Variants in AFG2A observed in about 807,000 individuals in gnomAD.
AFG2A encodes AAA ATPase AFG2A, also known as ATPase family gene 2 protein homolog A.
At chr4:123,031,012 A>C in the AFG2A span, among the ~76,000 whole-genome samples, 3 of 152,196 alleles carry the variant, frequency 2.0e-5, no homozygotes, top group Non-Finnish European at 4.4e-5. Flanking sequence ...TGGGAATATG[A>C]AAATAATTTG....
the AFG2A span, among the ~76,000 whole-genome samples, chr4:122,997,552 A>G: frequency 3.3e-5 from 5 of 152,104 alleles, no homozygotes; most frequent in Non-Finnish European, 7.4e-5. Context: ...TTGATGGACA[A>G]TTGGGTTGTT....
At chr4:122,986,277 A>G in the AFG2A span, among the ~76,000 whole-genome samples, 2 of 152,138 alleles carry the variant, frequency 1.3e-5, no homozygotes, top group Non-Finnish European at 2.9e-5. Flanking sequence ...TTCTGTGTAT[A>G]TCAGTTAAGT....
chr4:123,310,584 G>A, the AFG2A span, among the ~76,000 whole-genome samples: 4 of 152,192 alleles, frequency 2.6e-5, no homozygotes, highest in East Asian at 3.9e-4. Flanking sequence ...TGGTACACAC[G>A]GCATTTACCT....
chr4:123,158,766 G>A, the AFG2A span, among the ~76,000 whole-genome samples: 7 of 152,324 alleles, frequency 4.6e-5, no homozygotes, highest in South Asian at 1.5e-3. Flanking sequence ...AAGGAAGTCA[G>A]CAAGAAAGGG....
the AFG2A span, among the ~76,000 whole-genome samples, chr4:123,085,903 G>A: frequency 2.0e-5 from 3 of 151,248 alleles, no homozygotes; most frequent in Admixed American, 2.0e-4. Flanking sequence ...CCTAAGTTTT[G>A]CAATATATTT....
chr4:122,959,416 CAGTT>C, the AFG2A span, among the ~76,000 whole-genome samples: 1 of 152,170 alleles, frequency 6.6e-6, no homozygotes, highest in Non-Finnish European at 1.5e-5. Flanking sequence ...ACAAGTAAAA[CAGTT>C]AATTAACAAT....
At chr4:122,930,797 A>G in the AFG2A span, among the ~76,000 whole-genome samples, 4 of 152,188 alleles carry the variant, frequency 2.6e-5, no homozygotes, top group Non-Finnish European at 5.9e-5. Flanking sequence ...AGCATTTATG[A>G]TGACCTACAA....
chr4:122,982,989 T>G, the AFG2A span, among the ~76,000 whole-genome samples: 1 of 144,016 alleles, frequency 6.9e-6, no homozygotes, highest in East Asian at 2.2e-4. Context: ...TGCCTCAACC[T>G]CCTGAGTAGC....
the AFG2A span, among the ~76,000 whole-genome samples, chr4:122,963,377 T>C: frequency 1.3e-5 from 2 of 152,158 alleles, no homozygotes; most frequent in Non-Finnish European, 2.9e-5. Flanking sequence ...CCCAAAGAAG[T>C]GGTGACTCAG....
At chr4:123,196,144 G>GCGCCCACCAC in the AFG2A span, among the ~76,000 whole-genome samples, 1 of 142,298 alleles carries the variant, frequency 7.0e-6, no homozygotes. Flanking sequence ...GGGACTACAG[G>GCGCCCACCAC]CGCCCACCAC....
chr4:123,129,494 A>C, the AFG2A span, among the ~76,000 whole-genome samples: 3 of 152,174 alleles, frequency 2.0e-5, no homozygotes, highest in Non-Finnish European at 4.4e-5. Flanking sequence ...GCTTTAACTC[A>C]GGGGTTTCAT....
chr4:123,054,532 C>T, the AFG2A span, among the ~76,000 whole-genome samples: 1 of 151,860 alleles, frequency 6.6e-6, no homozygotes, highest in African/African-American at 2.4e-5. Flanking sequence ...TCCTGGCTAA[C>T]ACAGTGAAAC....
the AFG2A span, among the ~76,000 whole-genome samples, chr4:122,958,948 C>T: frequency 2.6e-5 from 4 of 152,228 alleles, no homozygotes; most frequent in East Asian, 3.9e-4. Context: ...ACATTTGATT[C>T]GCTGATTTAG....
chr4:123,306,746 G>A, the AFG2A span, among the ~76,000 whole-genome samples: 1 of 152,082 alleles, frequency 6.6e-6, no homozygotes, highest in African/African-American at 2.4e-5. Context: ...TAGTAGAAAC[G>A]GGGTTTCACC....
At chr4:123,123,764 G>A in the AFG2A span, among the ~76,000 whole-genome samples, 5 of 151,434 alleles carry the variant, frequency 3.3e-5, no homozygotes, top group African/African-American at 1.2e-4. Context: ...TGGCTAACAC[G>A]GTGAAACCCC....
At chr4:123,139,514 T>G in the AFG2A span, among the ~76,000 whole-genome samples, 1 of 152,176 alleles carries the variant, frequency 6.6e-6, no homozygotes, top group South Asian at 2.1e-4. Context: ...AATTTTGATT[T>G]GGAAAAGCCA....
chr4:123,217,047 G>T, the AFG2A span, among the ~76,000 whole-genome samples: 5 of 152,114 alleles, frequency 3.3e-5, no homozygotes, highest in Non-Finnish European at 7.4e-5. Context: ...TTTATAGTCA[G>T]AGAAAGCAAT....
the AFG2A span, among the ~76,000 whole-genome samples, chr4:122,960,423 CTT>C: frequency 6.6e-6 from 1 of 152,144 alleles, no homozygotes; most frequent in Non-Finnish European, 1.5e-5. Flanking sequence ...TTATTATAAA[CTT>C]ATCCTTCTAA....
At chr4:123,125,418 A>G in the AFG2A span, among the ~76,000 whole-genome samples, 1 of 152,148 alleles carries the variant, frequency 6.6e-6, no homozygotes, top group Admixed American at 6.5e-5. Context: ...CTCCTTTCCT[A>G]CACTGTCAGA....
Sources: allele counts gnomAD v4.1 joint callset (sites outside exome capture counted in the v4.1 genomes callset), GRCh38; gene constraint gnomAD v4.1.1; transcripts MANE v1.5; gene names NCBI Gene and HGNC (gene_info 2026-07-23, HGNC 2026-07-21).